The following MAOB variants were observed in gnomAD, a reference collection of about 807,000 sequenced individuals.
MAOB encodes monoamine oxidase B, also known as amine oxidase [flavin-containing] B.
A neutral mutation model predicts 41.9 loss-of-function variants in MAOB; 15 were observed. The observed-to-expected ratio is 0.36, with a 90% CI of 0.24 to 0.55. The LOEUF (loss-of-function observed/expected upper bound fraction) is 0.55. MAOB is among the 20% of genes least tolerant of loss of function. MAOB has a pLI of 0.86. For missense variants in MAOB, 345 were observed against 398.7 expected (o/e 0.87, Z 1.15); for synonymous variants, 167 against 144.2 (o/e 1.16, Z -1.13).
chrX:43,840,738 G>A (rs2035125555), intron 2 of MAOB, among the ~76,000 whole-genome samples: 1 of 110,650 alleles, frequency 9.0e-6, no homozygotes, highest in African/African-American at 3.3e-5. Context: ...ACTGTGCCAT[G>A]AGGAACAGTG....
intron 8 of MAOB, among the ~76,000 whole-genome samples, chrX:43,783,721 T>C (rs964489643): frequency 1.8e-5 from 2 of 111,805 alleles, no homozygotes; most frequent in Non-Finnish European, 3.8e-5. Flanking sequence ...CTGCTGAAGG[T>C]TGGTGTGGCT....
chrX:43,840,827 C>A (rs920997177), intron 2 of MAOB, among the ~76,000 whole-genome samples: 4 of 110,238 alleles, frequency 3.6e-5, no homozygotes, highest in Non-Finnish European at 1.9e-5. Flanking sequence ...CCTATGCCAC[C>A]AGGGCCCTGG....
chrX:43,816,765 G>C (rs2034819156), intron 3 of MAOB, among the ~76,000 whole-genome samples: 2 of 111,869 alleles, frequency 1.8e-5, no homozygotes, highest in Admixed American at 1.9e-4. Flanking sequence ...AGAGGAAGGG[G>C]TTTAAAAATC....
chrX:43,797,795 C>T (rs1199128412), intron 5 of MAOB, among the ~76,000 whole-genome samples: 1 of 111,929 alleles, frequency 8.9e-6, no homozygotes, highest in Non-Finnish European at 1.9e-5. Context: ...TATCTGTTCA[C>T]CACACTCAAA....
intron 1 of MAOB, among the ~76,000 whole-genome samples, chrX:43,870,567 G>A (rs778500706): frequency 1.0e-3 from 110 of 110,192 alleles, no homozygotes; most frequent in Non-Finnish European, 1.3e-3. Context: ...AGGCTGAGGC[G>A]GGCGGATCAT....
In MAOB at chrX:43,781,492, C is replaced by T. The variant is rs371962480; in HGVS notation, c.981G>A (p.Thr327=). The change falls in exon 9 of 15, where the codon ACG becomes ACA. Residue 327 remains threonine (T), a synonymous_variant. Coordinates refer to ENST00000378069, the MANE Select transcript of MAOB (RefSeq NM_000898.5). ...IDGEEAPVAY[T]LDDTKPEGNY... ...TGCCTTCAGGTTTGGTATCATCCAACGTGTAGGCAACTGGAGCTTCTTCTC... is the reference window on the plus strand; with the variant it reads ...TGCCTTCAGGTTTGGTATCATCCAATGTGTAGGCAACTGGAGCTTCTTCTC... 30 of 1,200,049 alleles carry T rather than the reference C, an allele frequency of 2.5e-5. No individual in the cohort carries two copies. The highest frequency in any genetic ancestry group is 4.6e-4 in the Middle Eastern group (2 of 4,336).
chrX:43,809,235 G>C (rs1015798231), intron 3 of MAOB, among the ~76,000 whole-genome samples: 1 of 111,747 alleles, frequency 8.9e-6, no homozygotes, highest in Admixed American at 9.5e-5. Flanking sequence ...AAAATATTGA[G>C]GGTTGCCCAA....
At chrX:43,837,233 AG>A (rs748097211) in intron 3 of MAOB, among the ~76,000 whole-genome samples, 7 of 112,799 alleles carry the variant, frequency 6.2e-5, no homozygotes, top group Non-Finnish European at 1.3e-4. Context: ...AACCCAACAA[AG>A]GGTGTTAAGA....
At chrX:43,824,247 CAT>C (rs2034917248) in intron 3 of MAOB, among the ~76,000 whole-genome samples, 1 of 112,677 alleles carries the variant, frequency 8.9e-6, no homozygotes, top group Non-Finnish European at 1.9e-5. Context: ...AGGCTTCACA[CAT>C]GTGCTGCATT....
intron 8 of MAOB, among the ~76,000 whole-genome samples, chrX:43,790,875 G>T (rs2034455102): frequency 8.9e-6 from 1 of 111,869 alleles, no homozygotes; most frequent in African/African-American, 3.3e-5. Context: ...CACATAGCAG[G>T]CCTAAGATAA....
chrX:43,867,028 C>A (rs2035369547), intron 1 of MAOB, among the ~76,000 whole-genome samples: 1 of 112,831 alleles, frequency 8.9e-6, no homozygotes. Context: ...GCACTGCTCA[C>A]CTGCCTGGGT....
Position 43,882,383 on chromosome X carries a change from C to T in MAOB, c.-84G>A. 15 of 1,123,531 alleles carry T rather than the reference C, an allele frequency of 1.3e-5. No homozygotes were observed. Among genetic ancestry groups the T allele is most frequent in the Non-Finnish European group, 1.8e-5 (15 of 853,831 alleles). The allele number at this position is 1,123,531 out of a possible 1,213,427, so 92.6% of individuals were successfully genotyped here. Reference sequence around the variant, plus strand: ...TCCCAGTCCTGCCTGCCAGCCAGCCCGCCCGCCTGCCCGCCGGCCTGCTGC... The same window carrying T: ...TCCCAGTCCTGCCTGCCAGCCAGCCTGCCCGCCTGCCCGCCGGCCTGCTGC... On this transcript the variant is annotated 5_prime_UTR_variant, in exon 1 of 15. Transcript: ENST00000378069.
In MAOB at chrX:43,839,013, C is replaced by T. The variant is rs759735802; in HGVS notation, c.142-8G>A. On this transcript the variant is annotated splice_polypyrimidine_tract_variant and splice_region_variant and intron_variant, in intron 2 of 14. Transcript: ENST00000378069. The stretch of plus-strand genomic sequence containing the variant: ...ATATTTAACCTTTTGGTTCTGTTTT[C>T]CCATAGGAAAAAATTAAAAAAAATT... 21 of 1,135,569 alleles carry T rather than the reference C, an allele frequency of 1.8e-5. No homozygotes were observed. In the East Asian group the frequency reaches 6.5e-4, roughly 35 times the overall value. The allele number at this position is 1,135,569 out of a possible 1,213,427, so 93.6% of individuals were successfully genotyped here. A position where few individuals can be genotyped will look rare whatever the true frequency, so the allele number is the denominator to read the frequency against.
At chrX:43,775,058 T>TG in intron 12 of MAOB, 117 bp downstream of exon 12, 1 of 749,159 alleles carries the variant, frequency 1.3e-6, no homozygotes, top group South Asian at 6.7e-5. Flanking sequence ...TTGGGTTGTT[T>TG]TTTTTTTTTT....
chrX:43,767,355 C>T lies in MAOB; in HGVS notation c.*111G>A. 6 of 759,175 alleles carry T rather than the reference C, an allele frequency of 7.9e-6. No individual in the cohort carries two copies. The highest frequency in any genetic ancestry group is 1.1e-5 in the Non-Finnish European group (6 of 533,954). The allele number at this position is 759,175 out of a possible 1,213,427, so 62.6% of individuals were successfully genotyped here. ...CAGAGTTGGATTTATCTTCATGCTCCCCGCCTCACTCCACACTATTTGTCT... is the reference window on the plus strand; with the variant it reads ...CAGAGTTGGATTTATCTTCATGCTCTCCGCCTCACTCCACACTATTTGTCT... On this transcript the variant is annotated 3_prime_UTR_variant, in exon 15 of 15. Coordinates refer to ENST00000378069, the MANE Select transcript of MAOB (RefSeq NM_000898.5).
intron 8 of MAOB, among the ~76,000 whole-genome samples, chrX:43,791,825 G>C (rs1474256786): frequency 8.9e-6 from 1 of 112,089 alleles, no homozygotes; most frequent in Non-Finnish European, 1.9e-5. Context: ...TATATTTCAA[G>C]TGTTCAGTAC....
chrX:43,771,560 C>A (rs1355253137), intron 12 of MAOB, among the ~76,000 whole-genome samples: 2 of 110,986 alleles, frequency 1.8e-5, no homozygotes, highest in African/African-American at 6.6e-5. Flanking sequence ...CAGGAAGGAA[C>A]CCTTCCTACA....
chrX:43,790,457 T>C (rs2034448835), intron 8 of MAOB, among the ~76,000 whole-genome samples: 1 of 112,303 alleles, frequency 8.9e-6, no homozygotes, highest in African/African-American at 3.2e-5. Flanking sequence ...CAAGGAAAAG[T>C]GCCTTTGAAT....
chrX:43,821,908 T>C (rs1348546060), intron 3 of MAOB, among the ~76,000 whole-genome samples: 4 of 112,113 alleles, frequency 3.6e-5, no homozygotes, highest in Admixed American at 1.9e-4. Flanking sequence ...AATCCCACTT[T>C]ACAAACTAGG....
Sources: gnomAD v4.1 joint callset for allele counts (sites outside exome capture counted in the v4.1 genomes callset) on GRCh38, gnomAD v4.1.1 for gene constraint, MANE v1.5 for transcripts, NCBI Gene and HGNC (gene_info 2026-07-23, HGNC 2026-07-21) for gene names.